The following LOXL2 variants were observed in gnomAD, a reference collection of about 807,000 sequenced individuals.
LOXL2 encodes lysyl oxidase homolog 2.
Under a neutral mutation model 93.0 loss-of-function variants are expected in LOXL2, and 70 were observed. The ratio of observed to expected loss-of-function variants is 0.75; its 90% CI spans 0.62 to 0.92. The LOEUF (loss-of-function observed/expected upper bound fraction) is 0.92, where lower values mean the gene tolerates loss of function less well. LOXL2 is among the 40% of genes least tolerant of loss of function. LOXL2 has a pLI of 0.00. For synonymous variants in LOXL2, 438 were observed against 413.2 expected, an observed-to-expected ratio of 1.06 and a Z score of -0.73; for missense variants, 973 against 1,054.9, an observed-to-expected ratio of 0.92 and a Z score of 1.08.
At chr8:23,310,193 T>A (rs1365074297) in intron 9 of LOXL2, among the ~76,000 whole-genome samples, 1 of 152,258 alleles carries the variant, frequency 6.6e-6, no homozygotes, top group African/African-American at 2.4e-5. Flanking sequence ...CAGATCATGG[T>A]ACGTTAACAG....
intron 1 of LOXL2, among the ~76,000 whole-genome samples, chr8:23,397,778 CAAA>C (rs57059999): frequency 6.6e-5 from 6 of 90,754 alleles, no homozygotes; most frequent in Admixed American, 1.3e-4. Context: ...GACTCTGTCT[CAAA>C]AAAAAAAAAA....
At chr8:23,401,875 GTGT>G (rs1229389785) in intron 1 of LOXL2, among the ~76,000 whole-genome samples, 3 of 152,246 alleles carry the variant, frequency 2.0e-5, no homozygotes, top group African/African-American at 4.8e-5. Context: ...CCAATGTGTG[GTGT>G]TAAGTACGTT....
intron 1 of LOXL2, among the ~76,000 whole-genome samples, chr8:23,389,533 T>C (rs1362562494): frequency 6.6e-6 from 1 of 152,210 alleles, no homozygotes; most frequent in Non-Finnish European, 1.5e-5. Context: ...AGTCGAATAA[T>C]GCCCCATGTG....
At chr8:23,346,112 A>T (rs113238725) in intron 3 of LOXL2, among the ~76,000 whole-genome samples, 80,131 of 135,524 alleles carry the variant, frequency 0.59, 24,649 homozygotes, top group African/African-American at 0.74. Flanking sequence ...AAAATAAAAT[A>T]AAATTAAAAT....
At chr8:23,391,706 C>T (rs542050386) in intron 1 of LOXL2, among the ~76,000 whole-genome samples, 1 of 152,292 alleles carries the variant, frequency 6.6e-6, no homozygotes, top group East Asian at 1.9e-4. Flanking sequence ...AATGAAATCA[C>T]TGCAAGCAAG....
intron 4 of LOXL2, 118 bp downstream of exon 4, chr8:23,340,874 A>G: frequency 1.1e-6 from 1 of 923,290 alleles, no homozygotes; most frequent in Non-Finnish European, 1.7e-6. Context: ...GCCTGCAGGG[A>G]CACCAGCTTG....
intron 1 of LOXL2, among the ~76,000 whole-genome samples, chr8:23,394,134 T>C (rs952462942): frequency 6.6e-6 from 1 of 152,206 alleles, no homozygotes; most frequent in Non-Finnish European, 1.5e-5. Flanking sequence ...GGCTCATGCC[T>C]GTAATCCTAG....
At chr8:23,331,665 G>C (rs1803679960) in intron 5 of LOXL2, 1 of 152,252 alleles carries the variant, frequency 6.6e-6, no homozygotes. Context: ...AGAAAGAAAA[G>C]CGAATCAAGA....
chr8:23,377,667 T>C (rs1804615132), intron 1 of LOXL2, among the ~76,000 whole-genome samples: 1 of 152,224 alleles, frequency 6.6e-6, no homozygotes, highest in African/African-American at 2.4e-5. Context: ...CTCTTCTTGT[T>C]GAATTGATCC....
chr8:23,305,612 C>T (rs1458757863), intron 10 of LOXL2, among the ~76,000 whole-genome samples: 2 of 151,602 alleles, frequency 1.3e-5, no homozygotes, highest in African/African-American at 4.9e-5. Context: ...TATTCCTCCT[C>T]TTGCAGGCTG....
chr8:23,317,912 G>A (rs12546076), intron 8 of LOXL2, among the ~76,000 whole-genome samples: 14,858 of 48,812 alleles, frequency 0.3, 943 homozygotes, highest in Admixed American at 0.36. Context: ...AGGTCTTCTC[G>A]GGATCGTCAG....
intron 1 of LOXL2, among the ~76,000 whole-genome samples, chr8:23,381,907 G>A (rs111707090): frequency 6.6e-6 from 1 of 152,228 alleles, no homozygotes; most frequent in African/African-American, 2.4e-5. Context: ...CTAACACAGT[G>A]CCTGGTGCAC....
chr8:23,379,965 AG>A (rs1234702370), intron 1 of LOXL2, among the ~76,000 whole-genome samples: 8 of 149,892 alleles, frequency 5.3e-5, no homozygotes, highest in African/African-American at 1.8e-4. Context: ...CTGTCCTACG[AG>A]CCCCAGTGAG....
At chr8:23,397,554 G>A (rs1800105837) in intron 1 of LOXL2, among the ~76,000 whole-genome samples, 1 of 152,110 alleles carries the variant, frequency 6.6e-6, no homozygotes, top group South Asian at 2.1e-4. Context: ...CCAGGCGGGT[G>A]GATCACGAGG....
Position 23,383,921 on chromosome 8 carries a change from A to C in LOXL2, c.-83-15487T>G, listed in dbSNP as rs1272249356. On this transcript the variant is annotated intron_variant, in intron 1 of 13. Coordinates refer to ENST00000389131, the MANE Select transcript of LOXL2 (RefSeq NM_002318.3). Reference sequence around the variant, plus strand: ...GTGATCCACCCGCCTCGGCCTCCCAAAGTGCTGGGATTACAGGCGTGAGCC... The same window carrying C: ...GTGATCCACCCGCCTCGGCCTCCCACAGTGCTGGGATTACAGGCGTGAGCC... 2.0e-5 allele frequency among the ~76,000 whole-genome samples: 3 copies of C among 152,078 alleles called. No individual in the cohort carries two copies. The East Asian group carries it at 5.8e-4, about 29-fold the overall frequency.
At position 23,339,158 on chromosome 8, in the gene LOXL2, G is replaced by A. The variant is rs533258567; in HGVS notation, c.743+1834C>T. On this transcript the variant is annotated intron_variant, in intron 4 of 13. Coordinates refer to ENST00000389131, the MANE Select transcript of LOXL2 (RefSeq NM_002318.3). Reference sequence around the variant, plus strand: ...ACACATGTAGGCCTAACTGTCAACTGAGTCCCAGAGACGAACACAAAATGA... The same window carrying A: ...ACACATGTAGGCCTAACTGTCAACTAAGTCCCAGAGACGAACACAAAATGA... 2.6e-5 allele frequency among the ~76,000 whole-genome samples: 4 copies of A among 152,204 alleles called. No individual in the cohort carries two copies. The East Asian group carries it at 5.8e-4, about 22-fold the overall frequency.
In LOXL2 at chr8:23,360,095, T is replaced by C. The variant is rs750702322; in HGVS notation, c.526A>G (p.Ile176Val). The change falls in exon 3 of 14, where the codon ATA becomes GTA. Residue 176 changes from isoleucine to valine, a missense_variant. Physicochemically the swap from Ile to Val is conservative, Grantham distance 29 (BLOSUM62 3). Coordinates refer to ENST00000389131, the MANE Select transcript of LOXL2 (RefSeq NM_002318.3). ...FKFDNSLINQ[I>V]ENLNIQVEDI... ...ATCAAGAGCACATGACTTGCCTCTA[T>C]CTGGTTGATCAACGAATTGTCAAAT... is the stretch of plus-strand genomic sequence containing the variant. The C allele has an allele frequency of 1.2e-6, 2 of 1,602,374 alleles. No individual in the cohort carries two copies. Among genetic ancestry groups the C allele is most frequent in the East Asian group, 4.5e-5 (2 of 44,556 alleles).
intron 6 of LOXL2, among the ~76,000 whole-genome samples, chr8:23,326,383 G>A (rs1008098621): frequency 6.6e-6 from 1 of 152,206 alleles, no homozygotes; most frequent in African/African-American, 2.4e-5. Flanking sequence ...CTCAGAATGA[G>A]TGGTCTTTGT....
At chr8:23,386,744 A>C (rs1563209146) in intron 1 of LOXL2, among the ~76,000 whole-genome samples, 1 of 152,096 alleles carries the variant, frequency 6.6e-6, no homozygotes, top group Non-Finnish European at 1.5e-5. Flanking sequence ...ACATCATGGA[A>C]ATTCCAGGAC....
Sources: allele counts gnomAD v4.1 joint callset (sites outside exome capture counted in the v4.1 genomes callset), GRCh38; gene constraint gnomAD v4.1.1; transcripts MANE v1.5; gene names NCBI Gene and HGNC (gene_info 2026-07-23, HGNC 2026-07-21).